Variants in NTM observed in about 807,000 individuals in gnomAD.
The protein encoded by NTM is neurotrimin, also known as IgLON family member 2.
NTM carries 13 observed loss-of-function variants against 42.1 expected under a neutral mutation model. The ratio of observed to expected loss-of-function variants is 0.31; its 90% CI spans 0.20 to 0.49. NTM has a LOEUF of 0.49. NTM is among the 20% of genes least tolerant of loss of function. The probability of loss-of-function intolerance (pLI) is 0.99; values close to 1 mark genes in which losing one functional copy is unlikely to be tolerated. For missense variants in NTM, 373 were observed against 452.8 expected (o/e 0.82, Z 1.60); for synonymous variants, 187 against 179.2 (o/e 1.04, Z -0.35).
intron 2 of NTM, among the ~76,000 whole-genome samples, chr11:132,091,424 A>G (rs2060358388): frequency 6.6e-6 from 1 of 152,030 alleles, no homozygotes; most frequent in Admixed American, 6.5e-5. Flanking sequence ...ATAATAAATT[A>G]ATAAAATAAT....
At chr11:131,505,381 G>T (rs1053835420) in intron 1 of NTM, among the ~76,000 whole-genome samples, 15 of 152,156 alleles carry the variant, frequency 9.9e-5, no homozygotes, top group South Asian at 4.2e-4. Flanking sequence ...ATCAAAGTAT[G>T]GTTCCCCAAA....
chr11:132,151,012 C>T (rs113354574), intron 3 of NTM, among the ~76,000 whole-genome samples: 1 of 152,144 alleles, frequency 6.6e-6, no homozygotes, highest in South Asian at 2.1e-4. Flanking sequence ...AGGGGAGATT[C>T]ATCTAAAATT....
intron 1 of NTM, among the ~76,000 whole-genome samples, chr11:131,751,702 G>T (rs1465776344): frequency 1.3e-5 from 2 of 152,124 alleles, no homozygotes; most frequent in Admixed American, 1.3e-4. Context: ...AGAGGTTGCA[G>T]TGAGCCAAGA....
At chr11:131,659,481 G>C (rs543602164) in intron 1 of NTM, among the ~76,000 whole-genome samples, 1 of 152,254 alleles carries the variant, frequency 6.6e-6, no homozygotes, top group East Asian at 1.9e-4. Flanking sequence ...CATGGTGGCC[G>C]GGCCATCGAC....
chr11:131,712,157 A>G (rs1369681789), intron 1 of NTM, among the ~76,000 whole-genome samples: 3 of 147,188 alleles, frequency 2.0e-5, no homozygotes, highest in African/African-American at 7.6e-5. Flanking sequence ...AAATAAAAAA[A>G]TAAAAATTAA....
chr11:132,307,088 C>G (rs1400393922), intron 4 of NTM, among the ~76,000 whole-genome samples: 2 of 152,148 alleles, frequency 1.3e-5, no homozygotes, highest in East Asian at 3.9e-4. Context: ...TCTTTAGGAT[C>G]TTGTACCTAG....
At chr11:131,388,863 T>G (rs1019393727) in intron 1 of NTM, among the ~76,000 whole-genome samples, 3 of 151,070 alleles carry the variant, frequency 2.0e-5, no homozygotes, top group Non-Finnish European at 4.4e-5. Context: ...AATATAAAAA[T>G]TATCCAGGTA....
At chr11:132,203,331 TA>T (rs1330957321) in intron 3 of NTM, among the ~76,000 whole-genome samples, 3 of 152,322 alleles carry the variant, frequency 2.0e-5, no homozygotes, top group South Asian at 4.1e-4. Flanking sequence ...GCTTTATGTA[TA>T]AAAAGTGATT....
intron 1 of NTM, among the ~76,000 whole-genome samples, chr11:131,371,701 C>T (rs888723603): frequency 6.6e-6 from 1 of 152,184 alleles, no homozygotes; most frequent in Non-Finnish European, 1.5e-5. Flanking sequence ...TTTGCTGCAC[C>T]GTGCCTCCCC....
At chr11:131,987,465 T>C (rs1307942706) in intron 2 of NTM, among the ~76,000 whole-genome samples, 1 of 151,982 alleles carries the variant, frequency 6.6e-6, no homozygotes, top group African/African-American at 2.4e-5. Context: ...ACTTTTATCT[T>C]TCAAAATTTG....
intron 1 of NTM, among the ~76,000 whole-genome samples, chr11:131,636,016 G>A (rs973566117): frequency 2.0e-5 from 3 of 152,206 alleles, no homozygotes; most frequent in African/African-American, 7.2e-5. Context: ...CGAGGTTCGT[G>A]TAAGTGCTCT....
rs142958294 is a variant in NTM, at chr11:132,267,224, G to A, written c.527-40465G>A. On this transcript the variant is annotated intron_variant, in intron 4 of 8. Coordinates refer to ENST00000683400, the MANE Select transcript of NTM (RefSeq NM_001352005.2). ...ATGAAAGACTAGAAGTGCAGTCCAG[G>A]AGCATAAAATCAATTAACTTAAAAA... Among the ~76,000 whole-genome samples, 728 of 152,244 alleles carry A rather than the reference G, an allele frequency of 4.8e-3. 2 individuals carry two copies. The highest frequency in any genetic ancestry group is 0.012 in the South Asian group (56 of 4,816).
At chr11:131,451,800 A>C (rs1215592186) in intron 1 of NTM, among the ~76,000 whole-genome samples, 1 of 152,042 alleles carries the variant, frequency 6.6e-6, no homozygotes, top group Non-Finnish European at 1.5e-5. Flanking sequence ...TGACTCTGAC[A>C]AGGGCATGAG....
chr11:132,279,517 C>T (rs1462669808), intron 4 of NTM, among the ~76,000 whole-genome samples: 1 of 152,202 alleles, frequency 6.6e-6, no homozygotes. Flanking sequence ...CTCACCAGAA[C>T]TTCCACTACT....
chr11:131,418,541 C>G (rs79912242), intron 1 of NTM, among the ~76,000 whole-genome samples: 1,569 of 152,294 alleles, frequency 0.01, 16 homozygotes, highest in African/African-American at 0.036. Context: ...AGGGAACAAA[C>G]AGCATGTGAA....
At chr11:132,272,118 G>C (rs1201506512) in intron 4 of NTM, among the ~76,000 whole-genome samples, 1 of 152,006 alleles carries the variant, frequency 6.6e-6, no homozygotes, top group African/African-American at 2.4e-5. Context: ...AGCATCATTT[G>C]TTGAAAAGAC....
chr11:131,800,279 TC>T (rs1414748121), intron 1 of NTM, among the ~76,000 whole-genome samples: 2 of 152,242 alleles, frequency 1.3e-5, no homozygotes, highest in Admixed American at 1.3e-4. Context: ...AAGTGGAGTT[TC>T]CCATTTTACT....
At chr11:132,024,990 A>G (rs905227654) in intron 2 of NTM, among the ~76,000 whole-genome samples, 1 of 152,086 alleles carries the variant, frequency 6.6e-6, no homozygotes, top group African/African-American at 2.4e-5. Context: ...TATTGCCTGG[A>G]GTAGGTTGCA....
chr11:132,118,031 C>T (rs2064147157), intron 2 of NTM, among the ~76,000 whole-genome samples: 1 of 152,196 alleles, frequency 6.6e-6, no homozygotes, highest in African/African-American at 2.4e-5. Context: ...CTCCCATCTG[C>T]CTGCCTCCAT....
Sources: allele counts gnomAD v4.1 joint callset (sites outside exome capture counted in the v4.1 genomes callset), GRCh38; gene constraint gnomAD v4.1.1; transcripts MANE v1.5; gene names NCBI Gene and HGNC (gene_info 2026-07-23, HGNC 2026-07-21).